The following CD180 variants were observed in gnomAD, a reference collection of about 807,000 sequenced individuals.
The protein encoded by CD180 is CD180 antigen.
CD180 carries 11 observed loss-of-function variants against 10.7 expected under a neutral mutation model. The observed-to-expected ratio is 1.03, with a 90% CI of 0.65 to 1.70. The LOEUF (loss-of-function observed/expected upper bound fraction) is 1.70. Ranked by LOEUF, CD180 falls within the 40% of genes most tolerant of loss-of-function variation. The pLI, the probability that CD180 is intolerant of heterozygous loss-of-function variation, is 0.00. For synonymous variants in CD180, 286 were observed against 294.6 expected (o/e 0.97, Z 0.30); for missense variants, 729 against 775.2 (o/e 0.94, Z 0.71).
At chr5:67,187,772 G>A (rs528708210) in intron 1 of CD180, among the ~76,000 whole-genome samples, 10 of 152,276 alleles carry the variant, frequency 6.6e-5, no homozygotes, top group African/African-American at 2.4e-4. Context: ...CAAAGTTCAT[G>A]TGTTGAGAAC....
Position 67,185,880 on chromosome 5 carries a change from GA to G in CD180, c.227del (p.Leu76ProfsTer2). The G allele has an allele frequency of 6.2e-7, 1 of 1,605,042 alleles. No homozygotes were observed. The highest frequency in any genetic ancestry group is 8.5e-7 in the Non-Finnish European group (1 of 1,176,054). ...PTIHNRTFSR[L>X]MNLTFLDLTR... is the part of the protein sequence containing the mutation. ...TTAAATCCAAAAAGGTAAGATTCAT[GA>G]GTCTGCTGAAGGTTCTATTGTGAAT... On this transcript the variant is annotated frameshift_variant, in exon 2 of 3. Coordinates refer to ENST00000256447, the MANE Select transcript of CD180 (RefSeq NM_005582.3). LOFTEE classifies it low-confidence loss of function (END_TRUNC).
chr5:67,193,805 G>A (rs1386210839), intron 1 of CD180, among the ~76,000 whole-genome samples: 2 of 152,218 alleles, frequency 1.3e-5, no homozygotes, highest in Non-Finnish European at 2.9e-5. Flanking sequence ...GGACTAGGGG[G>A]CCTCCCGCTG....
chr5:67,189,643 T>A (rs1243046481), intron 1 of CD180, among the ~76,000 whole-genome samples: 1 of 152,212 alleles, frequency 6.6e-6, no homozygotes, highest in East Asian at 1.9e-4. Context: ...ATAGCTTTTA[T>A]AATCACAATT....
rs755332854 is a variant in CD180, at chr5:67,183,265, G to A, written c.1578C>T (p.Asp526=). ...CGCATGTCAGGCTGTTGTGGCTTAAGTCTACATGGCTCATTTTTCCCAAGC... is the reference window on the plus strand; with the variant it reads ...CGCATGTCAGGCTGTTGTGGCTTAAATCTACATGGCTCATTTTTCCCAAGC... The part of the protein sequence containing the change: ...FHSLGKMSHV[D]LSHNSLTCDS... The change falls in exon 3 of 3, where the codon GAC becomes GAT. Residue 526 remains aspartate, a synonymous_variant. Coordinates refer to ENST00000256447, the MANE Select transcript of CD180 (RefSeq NM_005582.3). 7 of 1,614,184 alleles carry A rather than the reference G, an allele frequency of 4.3e-6. No homozygotes were observed. The South Asian group carries it at 6.6e-5, about 15-fold the overall frequency.
At chr5:67,195,708 G>A (rs1278326923) in intron 1 of CD180, among the ~76,000 whole-genome samples, 1 of 152,168 alleles carries the variant, frequency 6.6e-6, no homozygotes, top group Non-Finnish European at 1.5e-5. Flanking sequence ...CTGATCCTCT[G>A]ATCTCCTTCT....
At chr5:67,185,725 G>T in intron 2 of CD180, 126 bp downstream of exon 2, 1 of 542,402 alleles carries the variant, frequency 1.8e-6, no homozygotes, top group Non-Finnish European at 3.1e-6. Flanking sequence ...TCATGGGGAG[G>T]CATAAACATG....
At chr5:67,195,777 C>G (rs1742389438) in intron 1 of CD180, among the ~76,000 whole-genome samples, 1 of 152,216 alleles carries the variant, frequency 6.6e-6, no homozygotes, top group Admixed American at 6.5e-5. Context: ...CTTCTTTTTA[C>G]CTCAACCCAG....
chr5:67,195,980 T>G (rs573325239), intron 1 of CD180, among the ~76,000 whole-genome samples: 2 of 152,290 alleles, frequency 1.3e-5, no homozygotes, highest in Admixed American at 1.3e-4. Context: ...TTCCCACAGG[T>G]TGATAAATAT....
Position 67,183,031 on chromosome 5 carries a change from C to A in CD180, c.1812G>T (p.Glu604Asp), listed in dbSNP as rs201091750. 167 of 1,613,546 alleles carry A rather than the reference C, an allele frequency of 1.0e-4. No homozygotes were observed. Among genetic ancestry groups the A allele is most frequent in the Non-Finnish European group, 1.1e-4 (132 of 1,179,862 alleles). The part of the protein sequence containing the change: ...ENLHKLEGSE[E>D]TTCANPPSLR... Reference sequence around the variant, plus strand: ...GAGATGGCGGGTTTGCACACGTGGTCTCCTCCGAGCCTTCAAGTTTGTGCA... The same window carrying A: ...GAGATGGCGGGTTTGCACACGTGGTATCCTCCGAGCCTTCAAGTTTGTGCA... The change falls in exon 3 of 3, where the codon GAG becomes GAT. Residue 604 changes from glutamate to aspartate, a missense_variant. Coordinates refer to ENST00000256447, the MANE Select transcript of CD180 (RefSeq NM_005582.3).
At position 67,183,001 on chromosome 5, in the gene CD180, C is replaced by T. The variant is rs768796013; in HGVS notation, c.1842G>A (p.Arg614=). The change falls in exon 3 of 3, where the codon AGG becomes AGA. Residue 614 remains arginine, a synonymous_variant. Transcript: ENST00000256447. ...ETTCANPPSL[R]GVKLSDVKLS... ...GCTTGACATCAGATAGCTTAACTCC[C>T]CTTAGAGATGGCGGGTTTGCACACG... The T allele has an allele frequency of 6.2e-7, 1 of 1,614,202 alleles. No individual in the cohort carries two copies. The highest frequency in any genetic ancestry group is 1.3e-5 in the African/African-American group (1 of 75,050).
In CD180 at chr5:67,192,570, C is replaced by T. The variant is rs369479274; in HGVS notation, c.90+3982G>A. ...GCAGAAGGCAGACGGGGAGCAGGCACGCTGCATGGTGAAAGCAGGAGAGAG... is the reference window on the plus strand; with the variant it reads ...GCAGAAGGCAGACGGGGAGCAGGCATGCTGCATGGTGAAAGCAGGAGAGAG... On this transcript the variant is annotated intron_variant, in intron 1 of 2. Coordinates refer to ENST00000256447, the MANE Select transcript of CD180 (RefSeq NM_005582.3). Among the ~76,000 whole-genome samples, 8 of 152,102 alleles carry T rather than the reference C, an allele frequency of 5.3e-5. No homozygotes were observed. The East Asian group carries it at 5.8e-4, about 11-fold the overall frequency.
At chr5:67,186,876 A>ATGTGTGTGTGTG (rs1742205291) in intron 1 of CD180, among the ~76,000 whole-genome samples, 3 of 126,030 alleles carry the variant, frequency 2.4e-5, no homozygotes, top group Admixed American at 1.7e-4. Flanking sequence ...GTGTGTGTGA[A>ATGTGTGTGTGTG]AGAGAGAGAG....
intron 1 of CD180, chr5:67,190,927 A>T: frequency 1.0e-6 from 1 of 985,322 alleles, no homozygotes; most frequent in Non-Finnish European, 1.2e-6. Flanking sequence ...TCAAGTGCTT[A>T]TTCTCACCTT....
rs181372281 is a variant in CD180, at chr5:67,183,894, T to C, written c.949A>G (p.Met317Val). 2.4e-4 allele frequency: 381 copies of C among 1,614,024 alleles called. No homozygotes were observed. The highest frequency in any genetic ancestry group is 3.1e-4 in the Non-Finnish European group (365 of 1,180,012). ...TTCTTGAGCAAGTTCAGACCCTTCA[T>C]CCCAGAGGGTAACCCTTTCAAGTGA... ...ATHLKGLPSG[M>V]KGLNLLKKLV... Residue 317 changes from methionine to valine, a missense_variant, in exon 3 of 3, where the codon ATG (methionine) becomes GTG (valine). Physicochemically the swap from Met to Val is conservative, Grantham distance 21 (BLOSUM62 1). Transcript: ENST00000256447.
Position 67,182,600 on chromosome 5 carries a change from T to TCCA in CD180, c.*254_*256dup. The stretch of plus-strand genomic sequence containing the variant: ...CCCTCCCTCTGCTTCCTCCCACTCT[T>TCCA]CCACATGCGGAAAGGGCTCTGTGCC... On this transcript the variant is annotated 3_prime_UTR_variant, in exon 3 of 3. Transcript: ENST00000256447. 1 of 303,800 alleles carries TCCA rather than the reference T, an allele frequency of 3.3e-6. No homozygotes were observed. Among genetic ancestry groups the TCCA allele is most frequent in the Non-Finnish European group, 6.1e-6 (1 of 164,594 alleles). The allele number at this position is 303,800 out of a possible 1,614,324, so 18.8% of individuals were successfully genotyped here. A position where few individuals can be genotyped will look rare whatever the true frequency, so the allele number is the denominator to read the frequency against.
Position 67,183,734 on chromosome 5 carries a change from C to T in CD180, c.1109G>A (p.Gly370Glu). 1.2e-6 allele frequency: 2 copies of T among 1,614,108 alleles called. No homozygotes were observed. The highest frequency in any genetic ancestry group is 2.2e-5 in the East Asian group (1 of 44,864). Residue 370 changes from glycine to glutamate, a missense_variant, in exon 3 of 3, where the codon GGA (glycine) becomes GAA (glutamate). Gly to Glu is a moderately conservative substitution (Grantham distance 98). Coordinates refer to ENST00000256447, the MANE Select transcript of CD180 (RefSeq NM_005582.3). ...HLGVGCLEKL[G>E]NLQTLDLSHN... ...GCTTAAATCAAGTGTCTGAAGGTTT[C>T]CTAGTTTCTCCAAGCAGCCAACACC... is the stretch of plus-strand genomic sequence containing the variant.
Position 67,182,609 on chromosome 5 carries a change from G to A in CD180, c.*248C>T, listed in dbSNP as rs564562758. 89 of 323,300 alleles carry A rather than the reference G, an allele frequency of 2.8e-4. No individual in the cohort carries two copies. Among genetic ancestry groups the A allele is most frequent in the Non-Finnish European group, 4.5e-4 (79 of 176,786 alleles). 20.0% of individuals were successfully genotyped at this position (323,300 alleles called of 1,614,324 possible). A position where few individuals can be genotyped will look rare whatever the true frequency, so the allele number is the denominator to read the frequency against. ...TGCTTCCTCCCACTCTTCCACATGCGGAAAGGGCTCTGTGCCTCTCACAGC... is the reference window on the plus strand; with the variant it reads ...TGCTTCCTCCCACTCTTCCACATGCAGAAAGGGCTCTGTGCCTCTCACAGC... On this transcript the variant is annotated 3_prime_UTR_variant, in exon 3 of 3. Coordinates refer to ENST00000256447, the MANE Select transcript of CD180 (RefSeq NM_005582.3).
intron 1 of CD180, among the ~76,000 whole-genome samples, chr5:67,187,074 T>C (rs1742210938): frequency 6.6e-6 from 1 of 152,202 alleles, no homozygotes; most frequent in South Asian, 2.1e-4. Flanking sequence ...TTCAATGATA[T>C]TAAGGAATTC....
At chr5:67,194,750 A>T (rs866042623) in intron 1 of CD180, among the ~76,000 whole-genome samples, 1 of 152,208 alleles carries the variant, frequency 6.6e-6, no homozygotes, top group Non-Finnish European at 1.5e-5. Flanking sequence ...CTGAAGGGTG[A>T]GGGGACAGCC....
Sources: allele counts gnomAD v4.1 joint callset (sites outside exome capture counted in the v4.1 genomes callset), GRCh38; gene constraint gnomAD v4.1.1; transcripts MANE v1.5; gene names NCBI Gene and HGNC (gene_info 2026-07-23, HGNC 2026-07-21).